PACC1: variants seen among roughly 807,000 people sequenced by gnomAD.
The protein encoded by PACC1 is proton-activated chloride channel.
PACC1 carries 34 observed loss-of-function variants against 39.7 expected under a neutral mutation model. That is an observed-to-expected ratio of 0.86 (90% CI 0.65 to 1.14). PACC1 has a LOEUF of 1.14. PACC1 is among the 50% of genes most tolerant of loss of function. The pLI, the probability that PACC1 is intolerant of heterozygous loss-of-function variation, is 0.00. For missense variants in PACC1, 379 were observed against 436.4 expected (o/e 0.87, Z 1.17); for synonymous variants, 127 against 160.6 (o/e 0.79, Z 1.58).
intron 1 of PACC1, chr1:212,414,149 G>C (rs1027763982): frequency 7.0e-7 from 1 of 1,437,126 alleles, no homozygotes; most frequent in Non-Finnish European, 9.1e-7. Context: ...GGTGAGACTG[G>C]AGGGAGAGAC....
intron 4 of PACC1, among the ~76,000 whole-genome samples, chr1:212,383,839 C>G (rs1027358551): frequency 6.9e-6 from 1 of 145,528 alleles, no homozygotes; most frequent in Non-Finnish European, 1.5e-5. Flanking sequence ...GAAGTCTGCT[C>G]TGTTTCCTAT....
intron 2 of PACC1, among the ~76,000 whole-genome samples, chr1:212,396,836 CTATCTAT>C (rs1661543807): frequency 6.9e-6 from 1 of 145,924 alleles, no homozygotes; most frequent in Non-Finnish European, 1.5e-5. Context: ...ATCTATCTAT[CTATCTAT>C]CTATCTATTA....
At chr1:212,382,862 A>G (rs1660956619) in intron 4 of PACC1, among the ~76,000 whole-genome samples, 1 of 152,200 alleles carries the variant, frequency 6.6e-6, no homozygotes, top group East Asian at 1.9e-4. Context: ...ACGAGGCCAG[A>G]GCACACAGGA....
At chr1:212,409,513 A>G (rs1662046013) in intron 2 of PACC1, among the ~76,000 whole-genome samples, 1 of 152,114 alleles carries the variant, frequency 6.6e-6, no homozygotes, top group African/African-American at 2.4e-5. Context: ...CCAGAGAAAA[A>G]GGGGATGAGA....
At chr1:212,392,860 G>C (rs1289922863) in intron 2 of PACC1, among the ~76,000 whole-genome samples, 2 of 151,550 alleles carry the variant, frequency 1.3e-5, no homozygotes, top group African/African-American at 4.9e-5. Flanking sequence ...TAATGGTAAA[G>C]GGATCAATTC....
intron 6 of PACC1, 77 bp downstream of exon 6, chr1:212,377,485 C>G: frequency 1.3e-6 from 2 of 1,587,202 alleles, no homozygotes; most frequent in Admixed American, 1.7e-5. Context: ...GGAGCCTTCT[C>G]TGCAAAGCTT....
At chr1:212,410,588 T>C (rs909581646) in intron 1 of PACC1, 67 bp from the exon 2 acceptor site, 11 of 1,402,488 alleles carry the variant, frequency 7.8e-6, no homozygotes, top group Non-Finnish European at 1.1e-5. Context: ...TACACTAGAA[T>C]AAGAAAGCAG....
intron 6 of PACC1, among the ~76,000 whole-genome samples, chr1:212,375,751 G>A (rs1660642253): frequency 6.6e-6 from 1 of 150,896 alleles, no homozygotes; most frequent in African/African-American, 2.4e-5. Flanking sequence ...CAGGTGTAGT[G>A]GTGGGCGCCT....
At chr1:212,379,410 C>T (rs1000748076) in intron 5 of PACC1, among the ~76,000 whole-genome samples, 2 of 152,202 alleles carry the variant, frequency 1.3e-5, no homozygotes, top group Admixed American at 1.3e-4. Context: ...AAATTTTTGG[C>T]TGCATAGGCA....
At chr1:212,393,479 A>G (rs1278709606) in intron 2 of PACC1, among the ~76,000 whole-genome samples, 2 of 152,242 alleles carry the variant, frequency 1.3e-5, no homozygotes, top group African/African-American at 2.4e-5. Flanking sequence ...CCACAAGAGA[A>G]AGCAGGAAAG....
intron 2 of PACC1, among the ~76,000 whole-genome samples, chr1:212,390,634 A>C (rs983651879): frequency 6.6e-6 from 1 of 151,970 alleles, no homozygotes; most frequent in African/African-American, 2.4e-5. Context: ...GAGCTGAAGC[A>C]GGGTGAGGCA....
chr1:212,364,890 TA>T lies in PACC1; in HGVS notation c.*324del, dbSNP rs1292186060. On this transcript the variant is annotated 3_prime_UTR_variant, in exon 8 of 8. Coordinates refer to ENST00000261455, the MANE Select transcript of PACC1 (RefSeq NM_018252.3). ...GAGCCTTCATTACCCTAGTAGAGCT[TA>T]ACCTAATACAATACAATGAACCAAA... 6.1e-6 allele frequency: 1 copy of T among 164,022 alleles called. No homozygotes were observed. Among genetic ancestry groups the T allele is most frequent in the Non-Finnish European group, 1.3e-5 (1 of 76,404 alleles). 10.2% of individuals were successfully genotyped at this position (164,022 alleles called of 1,614,324 possible).
rs1464510022 is a variant in PACC1 at position 212,371,257 on chromosome 1, AAAG to A, written c.891+3933_891+3935del. 1.9e-3 allele frequency among the ~76,000 whole-genome samples: 248 copies of A among 127,882 alleles called. 1 individual carries two copies. Among genetic ancestry groups the A allele is most frequent in the African/African-American group, 5.0e-3 (99 of 19,768 alleles). 83.9% of individuals were successfully genotyped at this position (127,882 alleles called of 152,430 possible). On this transcript the variant is annotated intron_variant, in intron 7 of 7. Transcript: ENST00000261455. ...ACTCCATTTCAAAAAAAAAAAAAAA[AAAG>A]AAAGAAAAGTTAGTTGTTTGAAAAG...
At chr1:212,374,437 A>T (rs1481499105) in intron 7 of PACC1, among the ~76,000 whole-genome samples, 1 of 152,164 alleles carries the variant, frequency 6.6e-6, no homozygotes, top group African/African-American at 2.4e-5. Flanking sequence ...GCAGGAGATG[A>T]AGAGAAATTG....
At chr1:212,377,807 G>C in intron 5 of PACC1, 101 bp from the exon 6 acceptor site, 2 of 1,387,604 alleles carry the variant, frequency 1.4e-6, no homozygotes, top group South Asian at 2.7e-5. Context: ...GCACAACCAG[G>C]ATGCTGCCCA....
intron 2 of PACC1, among the ~76,000 whole-genome samples, chr1:212,403,249 T>C (rs1400485417): frequency 6.6e-6 from 1 of 152,244 alleles, no homozygotes; most frequent in Non-Finnish European, 1.5e-5. Flanking sequence ...AAAACTGATT[T>C]ACAACCCTGC....
chr1:212,393,398 GAC>G (rs1385096225), intron 2 of PACC1, among the ~76,000 whole-genome samples: 1 of 152,212 alleles, frequency 6.6e-6, no homozygotes, highest in Non-Finnish European at 1.5e-5. Context: ...TGAGAAGAAA[GAC>G]ACAACATACC....
chr1:212,380,064 C>T, intron 4 of PACC1, 27 bp from the exon 5 acceptor site: 1 of 1,612,104 alleles, frequency 6.2e-7, no homozygotes, highest in Non-Finnish European at 8.5e-7. Context: ...GACAGAGTCT[C>T]AGTCCTGGGA....
chr1:212,400,423 T>G (rs1429307296), intron 2 of PACC1, among the ~76,000 whole-genome samples: 6 of 152,218 alleles, frequency 3.9e-5, no homozygotes, highest in Non-Finnish European at 8.8e-5. Context: ...AACAAATTAC[T>G]TGCATGGGAA....
Sources: allele counts gnomAD v4.1 joint callset (sites outside exome capture counted in the v4.1 genomes callset), GRCh38; gene constraint gnomAD v4.1.1; transcripts MANE v1.5; gene names NCBI Gene and HGNC (gene_info 2026-07-23, HGNC 2026-07-21).